The following HDAC4 variants were observed in gnomAD, a reference collection of about 807,000 sequenced individuals.
HDAC4 encodes histone deacetylase A.
In HDAC4, 16 loss-of-function variants were observed where a neutral mutation model predicts 135.1. The observed-to-expected ratio is 0.12, with a 90% CI of 0.08 to 0.18. The LOEUF (loss-of-function observed/expected upper bound fraction) is 0.18. HDAC4 is among the 10% of genes least tolerant of loss of function. HDAC4 has a pLI of 1.00. For synonymous variants in HDAC4, 685 were observed against 653.4 expected, an observed-to-expected ratio of 1.05 and a Z score of -0.74; for missense variants, 1,143 against 1,511.8, an observed-to-expected ratio of 0.76 and a Z score of 4.05.
chr2:239,068,738 T>G lies in HDAC4; in HGVS notation c.2751-131A>C. The stretch of plus-strand genomic sequence containing the variant: ...CCTCGGCCACTGGCGGGCTGAGGGC[T>G]CCACACAGCAGGCTGGAATCTGGCG... On this transcript the variant is annotated intron_variant, in intron 22 of 26. Coordinates refer to ENST00000543185, the MANE Select transcript of HDAC4 (RefSeq NM_001378414.1). This position sits in a 1 kb window ranked among gnomAD's most constrained non-coding sequence, Gnocchi z 4.4. 1.3e-6 allele frequency: 1 copy of G among 793,892 alleles called. No homozygotes were observed. Among genetic ancestry groups the G allele is most frequent in the Non-Finnish European group, 2.2e-6 (1 of 447,402 alleles). The allele number at this position is 793,892 out of a possible 1,614,324, so 49.2% of individuals were successfully genotyped here.
In HDAC4 at chr2:239,066,597, C is replaced by A. The variant is rs939258888; in HGVS notation, c.3003+125G>T. On this transcript the variant is annotated intron_variant, in intron 24 of 26. Coordinates refer to ENST00000543185, the MANE Select transcript of HDAC4 (RefSeq NM_001378414.1). The stretch of plus-strand genomic sequence containing the variant: ...GGTGGGGGGCAGGTGCAAGGCGGAG[C>A]TGCAAGCATCCACGTGGTCAGAGAC... 1.0e-5 allele frequency: 13 copies of A among 1,274,700 alleles called. No homozygotes were observed. The East Asian group carries it at 2.3e-4, about 23-fold the overall frequency. 79.0% of individuals were successfully genotyped at this position (1,274,700 alleles called of 1,614,324 possible). A position where few individuals can be genotyped will look rare whatever the true frequency, so the allele number is the denominator to read the frequency against.
intron 12 of HDAC4, among the ~76,000 whole-genome samples, chr2:239,120,201 A>G (rs2039515816): frequency 6.6e-6 from 1 of 151,996 alleles, no homozygotes; most frequent in South Asian, 2.1e-4. Flanking sequence ...ACAGATCAGA[A>G]CTGGAGCAGT....
rs185863067 is a variant in HDAC4, at chr2:239,197,351, C to T, written c.95-7274G>A. 2.6e-4 allele frequency among the ~76,000 whole-genome samples: 39 copies of T among 152,266 alleles called. 1 individual carries two copies. The highest frequency in any genetic ancestry group is 2.6e-4 in the African/African-American group (11 of 41,542). On this transcript the variant is annotated intron_variant, in intron 3 of 26. Coordinates refer to ENST00000543185, the MANE Select transcript of HDAC4 (RefSeq NM_001378414.1). ...TTGAGTGTGACTCGATGTCTCTCTC[C>T]GGGTATCTATAAGGTCTTCTCCAGG...
At position 239,139,458 on chromosome 2, in the gene HDAC4, G is replaced by A. The variant is rs550877379; in HGVS notation, c.978+226C>T. Among the ~76,000 whole-genome samples, 45 of 152,300 alleles carry A rather than the reference G, an allele frequency of 3.0e-4. 1 individual carries two copies. Among genetic ancestry groups the A allele is most frequent in the Admixed American group, 2.7e-3 (41 of 15,304 alleles). On this transcript the variant is annotated intron_variant, in intron 9 of 26. Transcript: ENST00000543185. The surrounding 1 kb of genome is among the most constrained non-coding windows in gnomAD (Gnocchi z 5.3). ...CCAGGCTCAGGGCTGTCCCCGACGT[G>A]CCTGGAACTAGCGTGTTCATAATGA...
chr2:239,390,718 C>T, intron 1 of HDAC4, among the ~76,000 whole-genome samples: 1 of 152,164 alleles, frequency 6.6e-6, no homozygotes, highest in East Asian at 1.9e-4. Context: ...CAGAGCGGCA[C>T]TACCCCTCAC....
chr2:239,156,586 T>C (rs777475736), intron 7 of HDAC4, 66 bp downstream of exon 7: 3 of 1,609,240 alleles, frequency 1.9e-6, no homozygotes, highest in Non-Finnish European at 2.6e-6. Context: ...GGGCCCTGCG[T>C]GGCTTGTGGC....
intron 1 of HDAC4, among the ~76,000 whole-genome samples, chr2:239,374,321 G>A (rs1694837048): frequency 6.7e-6 from 1 of 148,820 alleles, no homozygotes; most frequent in African/African-American, 2.5e-5. Context: ...TGACAATGAT[G>A]CCGACAATGA....
chr2:239,131,140 T>C (rs139210898), intron 11 of HDAC4, among the ~76,000 whole-genome samples: 2 of 152,350 alleles, frequency 1.3e-5, no homozygotes, highest in African/African-American at 2.4e-5. Flanking sequence ...ACGCCCAGCC[T>C]GTGACTGGCG....
intron 14 of HDAC4, among the ~76,000 whole-genome samples, chr2:239,110,712 T>C (rs1349664541): frequency 6.6e-6 from 1 of 152,236 alleles, no homozygotes; most frequent in African/African-American, 2.4e-5. Flanking sequence ...TAGTGCGTCA[T>C]TAACAAGAAA....
chr2:239,122,302 G>A (rs1326986607), intron 12 of HDAC4, among the ~76,000 whole-genome samples: 1 of 152,166 alleles, frequency 6.6e-6, no homozygotes, highest in African/African-American at 2.4e-5. Flanking sequence ...TTGCTGTAGG[G>A]GTGGAGGACA....
At chr2:239,387,997 G>A (rs1161086129) in intron 1 of HDAC4, among the ~76,000 whole-genome samples, 1 of 152,136 alleles carries the variant, frequency 6.6e-6, no homozygotes, top group Non-Finnish European at 1.5e-5. Context: ...GGGTATCCAC[G>A]CCACAGGTGT....
intron 2 of HDAC4, among the ~76,000 whole-genome samples, chr2:239,317,498 G>T (rs1456209556): frequency 6.6e-6 from 1 of 152,214 alleles, no homozygotes; most frequent in East Asian, 1.9e-4. Flanking sequence ...AGAGAGTAAA[G>T]AAGGGTCCCA....
Position 239,169,702 on chromosome 2 carries a change from G to A in HDAC4, c.491-5779C>T, listed in dbSNP as rs117385505. ...ACCCACAGCACAGCCGTCCACTACC[G>A]AGAGGGCCCGGATCTGCATGCAAAG... is the stretch of plus-strand genomic sequence containing the variant. On this transcript the variant is annotated intron_variant, in intron 5 of 26. Transcript: ENST00000543185. 4.5e-4 allele frequency among the ~76,000 whole-genome samples: 68 copies of A among 152,306 alleles called. No individual in the cohort carries two copies. The East Asian group carries it at 5.8e-3, about 13-fold the overall frequency.
chr2:239,264,312 G>A (rs1559301459), intron 2 of HDAC4, among the ~76,000 whole-genome samples: 1 of 152,256 alleles, frequency 6.6e-6, no homozygotes, highest in East Asian at 1.9e-4. Context: ...GCAAATGGAA[G>A]CACAGGCATT....
intron 24 of HDAC4, among the ~76,000 whole-genome samples, chr2:239,056,664 G>A (rs1373129977): frequency 2.6e-5 from 4 of 152,230 alleles, no homozygotes; most frequent in African/African-American, 9.7e-5. Context: ...CTCTCCAGGA[G>A]GTGGGGCTTA....
intron 11 of HDAC4, among the ~76,000 whole-genome samples, chr2:239,130,921 G>A (rs1423895224): frequency 1.3e-5 from 2 of 152,144 alleles, no homozygotes; most frequent in African/African-American, 2.4e-5. Context: ...ACAGTTTTGC[G>A]TCCAACTAAA....
At chr2:239,273,549 T>G (rs937299943) in intron 2 of HDAC4, among the ~76,000 whole-genome samples, 1 of 152,156 alleles carries the variant, frequency 6.6e-6, no homozygotes, top group Non-Finnish European at 1.5e-5. Context: ...AAGGAAGGAA[T>G]GAAGCTAGAC....
At chr2:239,128,380 T>A (rs1026192121) in intron 11 of HDAC4, among the ~76,000 whole-genome samples, 2 of 151,886 alleles carry the variant, frequency 1.3e-5, no homozygotes, top group Admixed American at 1.3e-4. Context: ...AATACAAAAA[T>A]CAGCCATGTA....
Position 239,146,384 on chromosome 2 carries a change from CTG to C in HDAC4, c.734-1672_734-1671del, listed in dbSNP as rs747265502. Reference sequence around the variant, plus strand: ...AGGAGCCACTTCTGAGAGGCAGGGGCTGTGTGTGCCCACAGAAGAGCACAGGG... The same window carrying C: ...AGGAGCCACTTCTGAGAGGCAGGGGCTGTGTGCCCACAGAAGAGCACAGGG... On this transcript the variant is annotated intron_variant, in intron 7 of 26. Transcript: ENST00000543185. This position sits in a 1 kb window ranked among gnomAD's most constrained non-coding sequence, Gnocchi z 4.5. Among the ~76,000 whole-genome samples, 10 of 152,206 alleles carry C rather than the reference CTG, an allele frequency of 6.6e-5. No homozygotes were observed. The highest frequency in any genetic ancestry group is 1.2e-4 in the Non-Finnish European group (8 of 68,026).
Sources: allele counts gnomAD v4.1 joint callset (sites outside exome capture counted in the v4.1 genomes callset), GRCh38; gene constraint gnomAD v4.1.1; non-coding constraint Gnocchi (gnomAD v3.1); transcripts MANE v1.5; gene names NCBI Gene and HGNC (gene_info 2026-07-23, HGNC 2026-07-21).